Variants in ANXA8 observed in about 807,000 individuals in gnomAD.
ANXA8 encodes the protein VAC-beta.
A neutral mutation model predicts 26.8 loss-of-function variants in ANXA8; 9 were observed. The ratio of observed to expected loss-of-function variants is 0.34; its 90% CI spans 0.20 to 0.59. The LOEUF (loss-of-function observed/expected upper bound fraction) is 0.59. Ranked by LOEUF, ANXA8 falls within the 20% of genes least tolerant of loss-of-function variation. ANXA8 has a pLI of 0.84. For synonymous variants in ANXA8, 39 were observed against 94.8 expected (o/e 0.41, Z 3.42); for missense variants, 83 against 238.5 (o/e 0.35, Z 4.29).
the ANXA8 span, among the ~76,000 whole-genome samples, chr10:47,646,907 T>C: frequency 2.6e-5 from 4 of 152,152 alleles, no homozygotes; most frequent in Admixed American, 2.6e-4. Context: ...CTATGCCACC[T>C]AGCGGTGATT....
the ANXA8 span, among the ~76,000 whole-genome samples, chr10:47,555,809 C>T: frequency 6.6e-6 from 1 of 152,028 alleles, no homozygotes; most frequent in Non-Finnish European, 1.5e-5. Context: ...TGTGGAAAAC[C>T]CACACATTTG....
At chr10:47,469,797 T>C (rs1839263215) in intron 11 of ANXA8, among the ~76,000 whole-genome samples, 1 of 151,570 alleles carries the variant, frequency 6.6e-6, no homozygotes, top group Non-Finnish European at 1.5e-5. Context: ...TCATGGTTAT[T>C]GTCTACTTTT....
At chr10:47,516,512 A>C in the ANXA8 span, among the ~76,000 whole-genome samples, 8 of 133,254 alleles carry the variant, frequency 6.0e-5, no homozygotes, top group African/African-American at 2.0e-4. Flanking sequence ...AAATGTGTTC[A>C]AGTACAACTA....
At chr10:47,666,870 C>T in the ANXA8 span, among the ~76,000 whole-genome samples, 17 of 152,070 alleles carry the variant, frequency 1.1e-4, no homozygotes, top group African/African-American at 3.9e-4. Context: ...TGCGGTTTTT[C>T]AAGAAACATT....
At chr10:47,969,348 C>T in the ANXA8 span, among the ~76,000 whole-genome samples, 1 of 151,454 alleles carries the variant, frequency 6.6e-6, no homozygotes, top group Non-Finnish European at 1.5e-5. Context: ...TGCTAGTTTT[C>T]TGTTGCTGCT....
the ANXA8 span, among the ~76,000 whole-genome samples, chr10:47,587,825 T>G: frequency 1.4e-5 from 2 of 146,348 alleles, 1 homozygote; most frequent in Middle Eastern, 6.9e-3. Context: ...CCGAGTCTAG[T>G]GCAGGGTATC....
chr10:47,954,316 TACTC>T, the ANXA8 span, among the ~76,000 whole-genome samples: 2 of 151,138 alleles, frequency 1.3e-5, no homozygotes, highest in Non-Finnish European at 2.9e-5. Context: ...TGCATGTTCT[TACTC>T]ATTTGTGGGA....
At chr10:47,671,114 T>C in the ANXA8 span, among the ~76,000 whole-genome samples, 16 of 152,060 alleles carry the variant, frequency 1.1e-4, no homozygotes, top group Non-Finnish European at 1.6e-4. Flanking sequence ...AATGTATTTG[T>C]TGTTATTAAT....
At chr10:47,955,350 G>A in the ANXA8 span, among the ~76,000 whole-genome samples, 14 of 150,138 alleles carry the variant, frequency 9.3e-5, no homozygotes, top group African/African-American at 2.9e-4. Context: ...AATACACAAC[G>A]ATGCTCAATG....
At chr10:47,687,450 A>G in the ANXA8 span, among the ~76,000 whole-genome samples, 1 of 151,228 alleles carries the variant, frequency 6.6e-6, no homozygotes, top group Non-Finnish European at 1.5e-5. Flanking sequence ...TTTTTAGTAG[A>G]GATGAAGTTT....
the ANXA8 span, chr10:47,691,320 T>G: frequency 1.1e-6 from 1 of 899,942 alleles, no homozygotes; most frequent in Admixed American, 2.8e-5. Context: ...GAAGACTCTT[T>G]CTTTAGTCAT....
chr10:47,561,725 A>C, the ANXA8 span, among the ~76,000 whole-genome samples: 1,415 of 150,790 alleles, frequency 9.4e-3, 23 homozygotes, highest in African/African-American at 0.031. Flanking sequence ...TGTTAGGAAC[A>C]AGGAATTAAA....
chr10:47,586,859 G>A, the ANXA8 span, among the ~76,000 whole-genome samples: 1 of 146,328 alleles, frequency 6.8e-6, no homozygotes, highest in Non-Finnish European at 1.5e-5. Context: ...CTAGGGCAGT[G>A]TTTTTGAGCA....
chr10:47,521,937 C>T, the ANXA8 span, among the ~76,000 whole-genome samples: 30 of 150,404 alleles, frequency 2.0e-4, no homozygotes, highest in South Asian at 6.3e-4. Flanking sequence ...TGCGCCACTA[C>T]GCCCAGCTAA....
chr10:47,588,736 C>CAG, the ANXA8 span: 1 of 145,332 alleles, frequency 6.9e-6, no homozygotes, highest in Non-Finnish European at 1.5e-5. Context: ...AGAATTCTTA[C>CAG]AGAGGTCTTG....
the ANXA8 span, among the ~76,000 whole-genome samples, chr10:47,937,696 T>G: frequency 2.1e-5 from 3 of 144,260 alleles, no homozygotes; most frequent in Admixed American, 2.1e-4. Context: ...TAGCTCCCAC[T>G]TATAAGTGAG....
the ANXA8 span, among the ~76,000 whole-genome samples, chr10:47,950,476 T>A: frequency 2.6e-5 from 4 of 151,488 alleles, no homozygotes; most frequent in Non-Finnish European, 5.9e-5. Context: ...CAAAGTCAGT[T>A]TAATCAACAG....
At chr10:47,606,006 A>G in the ANXA8 span, among the ~76,000 whole-genome samples, 1 of 150,870 alleles carries the variant, frequency 6.6e-6, no homozygotes, top group South Asian at 2.1e-4. Flanking sequence ...ATGGGTGAAC[A>G]TAAACCACAC....
chr10:47,688,625 T>C, the ANXA8 span, among the ~76,000 whole-genome samples: 23 of 151,428 alleles, frequency 1.5e-4, no homozygotes, highest in African/African-American at 5.6e-4. Context: ...TTTTGCCATC[T>C]TGGCCTGGCT....
Sources: gnomAD v4.1 joint callset for allele counts (sites outside exome capture counted in the v4.1 genomes callset) on GRCh38, gnomAD v4.1.1 for gene constraint, MANE v1.5 for transcripts, NCBI Gene and HGNC (gene_info 2026-07-23, HGNC 2026-07-21) for gene names.